The following ADAMTSL1 variants were observed in gnomAD, a reference collection of about 807,000 sequenced individuals.
The protein encoded by ADAMTSL1 is ADAMTS-like protein 1.
Under a neutral mutation model 201.8 loss-of-function variants are expected in ADAMTSL1, and 126 were observed. The observed-to-expected ratio is 0.62, with a 90% CI of 0.54 to 0.72. The LOEUF is 0.72. Among genes scored for constraint, ADAMTSL1 ranks in the 30% least tolerant of loss-of-function variants. The pLI, the probability that ADAMTSL1 is intolerant of heterozygous loss-of-function variation, is 0.00. For synonymous variants in ADAMTSL1, 1,121 were observed against 903.4 expected, an observed-to-expected ratio of 1.24 and a Z score of -4.32; for missense variants, 2,679 against 2,277.8, an observed-to-expected ratio of 1.18 and a Z score of -3.59.
At chr9:17,908,342 A>G (rs561366254) in intron 1 of ADAMTSL1, among the ~76,000 whole-genome samples, 38 of 152,304 alleles carry the variant, frequency 2.5e-4, no homozygotes, top group African/African-American at 8.7e-4. Flanking sequence ...GCTGGATTAC[A>G]TCAGAATCCT....
At chr9:18,587,210 C>A (rs1005989577) in intron 4 of ADAMTSL1, among the ~76,000 whole-genome samples, 3 of 151,956 alleles carry the variant, frequency 2.0e-5, no homozygotes, top group African/African-American at 7.3e-5. Flanking sequence ...AACTGACAAA[C>A]GTCTATTATC....
intron 2 of ADAMTSL1, among the ~76,000 whole-genome samples, chr9:18,198,017 C>T (rs918525548): frequency 6.6e-6 from 1 of 152,124 alleles, no homozygotes; most frequent in Non-Finnish European, 1.5e-5. Flanking sequence ...AAAGGATTCC[C>T]TATTTAATGA....
At chr9:18,633,553 C>A (rs919943411) in intron 5 of ADAMTSL1, among the ~76,000 whole-genome samples, 7 of 151,656 alleles carry the variant, frequency 4.6e-5, no homozygotes, top group South Asian at 2.1e-4. Flanking sequence ...CACAATCATG[C>A]TACTGCACTC....
intron 2 of ADAMTSL1, among the ~76,000 whole-genome samples, chr9:18,438,269 A>G (rs568070142): frequency 1.3e-5 from 2 of 151,784 alleles, no homozygotes; most frequent in East Asian, 3.9e-4. Flanking sequence ...ATAGAGGGAG[A>G]GAAAGACTAT....
chr9:18,267,520 G>A (rs1222962214), intron 2 of ADAMTSL1, among the ~76,000 whole-genome samples: 1 of 152,014 alleles, frequency 6.6e-6, no homozygotes, highest in African/African-American at 2.4e-5. Context: ...ATGCTTCAGC[G>A]CATGGCTTAC....
At position 18,504,944 on chromosome 9, in the gene ADAMTSL1, G is replaced by C. The variant is rs1823044593; in HGVS notation, c.179G>C (p.Cys60Ser). The change falls in exon 2 of 29, where the codon TGC (cysteine) becomes TCC (serine). Residue 60 changes from cysteine (C) to serine (S), a missense_variant. Physicochemically the swap from Cys to Ser is moderately radical, Grantham distance 112 (BLOSUM62 -1). Transcript: ENST00000380548. ...GGGASYSLRR[C>S]LSSKSCEGRN... is the part of the protein sequence containing the mutation. ...GGGGCCTCCTACTCTCTGAGGCGCT[G>C]CCTGAGCAGCAAGTAAGTCCTGCAC... 6.2e-7 allele frequency: 1 copy of C among 1,608,588 alleles called. No individual in the cohort carries two copies. Among genetic ancestry groups the C allele is most frequent in the Non-Finnish European group, 8.5e-7 (1 of 1,179,048 alleles).
At chr9:18,398,614 A>T (rs9406747) in intron 2 of ADAMTSL1, among the ~76,000 whole-genome samples, 74,970 of 151,960 alleles carry the variant, frequency 0.49, 18,791 homozygotes, top group South Asian at 0.59. Flanking sequence ...GTCTTTCACA[A>T]AAAATTTATT....
chr9:18,584,868 G>A (rs1229203080), intron 4 of ADAMTSL1, among the ~76,000 whole-genome samples: 3 of 152,150 alleles, frequency 2.0e-5, no homozygotes, highest in South Asian at 4.2e-4. Flanking sequence ...GCCGGCACCT[G>A]GATCATGAAT....
intron 2 of ADAMTSL1, among the ~76,000 whole-genome samples, chr9:18,431,008 C>A (rs1201773249): frequency 6.6e-6 from 1 of 152,168 alleles, no homozygotes; most frequent in Non-Finnish European, 1.5e-5. Flanking sequence ...CCAAACTGCC[C>A]AGATGCGTAC....
intron 3 of ADAMTSL1, among the ~76,000 whole-genome samples, chr9:18,552,369 A>T (rs1820840357): frequency 1.3e-5 from 2 of 151,920 alleles, no homozygotes; most frequent in East Asian, 1.9e-4. Context: ...ATTAACTTCT[A>T]AATACATGGG....
At chr9:18,719,531 A>G (rs905006217) in intron 14 of ADAMTSL1, among the ~76,000 whole-genome samples, 12 of 151,996 alleles carry the variant, frequency 7.9e-5, no homozygotes, top group Non-Finnish European at 1.6e-4. Flanking sequence ...TAGCTGGCTA[A>G]TTTTGTACTT....
intron 2 of ADAMTSL1, among the ~76,000 whole-genome samples, chr9:18,516,917 C>A (rs1818395172): frequency 6.6e-6 from 1 of 152,152 alleles, no homozygotes; most frequent in East Asian, 1.9e-4. Flanking sequence ...ACTCTCCAGA[C>A]CCCTGTTTTG....
At chr9:18,518,374 T>C (rs1041579005) in intron 2 of ADAMTSL1, among the ~76,000 whole-genome samples, 2 of 152,120 alleles carry the variant, frequency 1.3e-5, no homozygotes, top group African/African-American at 4.8e-5. Context: ...ATTGTTTAGC[T>C]CCTGCTTATA....
chr9:18,572,590 A>G (rs946865596), intron 3 of ADAMTSL1, among the ~76,000 whole-genome samples: 1 of 151,998 alleles, frequency 6.6e-6, no homozygotes, highest in Non-Finnish European at 1.5e-5. Flanking sequence ...TGTATTTTGA[A>G]CAATTTCATG....
intron 1 of ADAMTSL1, among the ~76,000 whole-genome samples, chr9:18,480,318 A>G (rs1422546800): frequency 2.0e-5 from 3 of 152,176 alleles, no homozygotes; most frequent in African/African-American, 7.2e-5. Flanking sequence ...GAAGTACTAT[A>G]TGGCACTTGT....
At chr9:18,314,583 A>C (rs1834288256) in intron 2 of ADAMTSL1, among the ~76,000 whole-genome samples, 1 of 150,848 alleles carries the variant, frequency 6.6e-6, no homozygotes, top group South Asian at 2.1e-4. Context: ...GGAGTTGTTC[A>C]TCCCTCCCAG....
chr9:18,811,973 A>G (rs954579974), intron 20 of ADAMTSL1, among the ~76,000 whole-genome samples: 1 of 152,206 alleles, frequency 6.6e-6, no homozygotes, highest in African/African-American at 2.4e-5. Flanking sequence ...AAGAAGATAA[A>G]TAGACATATT....
At chr9:18,691,066 A>G (rs978010130) in intron 13 of ADAMTSL1, among the ~76,000 whole-genome samples, 3 of 152,246 alleles carry the variant, frequency 2.0e-5, no homozygotes, top group African/African-American at 4.8e-5. Flanking sequence ...CTGGTTGTCT[A>G]TCCACAGACT....
At chr9:18,757,778 A>G (rs181547994) in intron 16 of ADAMTSL1, among the ~76,000 whole-genome samples, 6 of 152,326 alleles carry the variant, frequency 3.9e-5, no homozygotes, top group Admixed American at 2.0e-4. Context: ...CACAAGGTCA[A>G]TGAAGGCAGA....
Sources: gnomAD v4.1 joint callset for allele counts (sites outside exome capture counted in the v4.1 genomes callset) on GRCh38, gnomAD v4.1.1 for gene constraint, MANE v1.5 for transcripts, NCBI Gene and HGNC (gene_info 2026-07-23, HGNC 2026-07-21) for gene names.